DGKB: variants seen among roughly 807,000 people sequenced by gnomAD.
The protein encoded by DGKB is diacylglycerol kinase beta.
DGKB carries 67 observed loss-of-function variants against 114.3 expected under a neutral mutation model. The ratio of observed to expected loss-of-function variants is 0.59; its 90% confidence interval spans 0.48 to 0.72. The LOEUF (loss-of-function observed/expected upper bound fraction) is 0.72. Ranked by LOEUF, DGKB falls within the 30% of genes least tolerant of loss-of-function variation. The pLI is 0.00. For synonymous variants in DGKB, 398 were observed against 323.1 expected (o/e 1.23, Z -2.49); for missense variants, 907 against 975.2 (o/e 0.93, Z 0.93).
chr7:14,914,802 G>T (rs560472636), intron 1 of DGKB, among the ~76,000 whole-genome samples: 238 of 151,418 alleles, frequency 1.6e-3, no homozygotes, highest in African/African-American at 5.5e-3. Flanking sequence ...ACAGAGAGAA[G>T]ACTGCTCTAA....
chr7:14,733,754 A>G (rs199694642), intron 5 of DGKB, among the ~76,000 whole-genome samples: 48 of 11,118 alleles, frequency 4.3e-3, no homozygotes, highest in Non-Finnish European at 0.018. Context: ...AATAAAGAAG[A>G]AAGAAAGAAA....
chr7:14,271,638 C>T (rs1415920292), intron 23 of DGKB, among the ~76,000 whole-genome samples: 1 of 152,140 alleles, frequency 6.6e-6, no homozygotes, highest in African/African-American at 2.4e-5. Context: ...AAAGCATTAC[C>T]ATTCTAAAAT....
At chr7:14,808,712 T>A (rs1459214625) in intron 2 of DGKB, among the ~76,000 whole-genome samples, 1 of 152,108 alleles carries the variant, frequency 6.6e-6, no homozygotes. Flanking sequence ...TGTTTGCTTT[T>A]AATTCATAGG....
chr7:14,709,900 G>C (rs1451690948), intron 6 of DGKB, among the ~76,000 whole-genome samples: 1 of 148,998 alleles, frequency 6.7e-6, no homozygotes. Flanking sequence ...GCACCAGCAT[G>C]GCACATGTAT....
At chr7:14,365,396 T>C (rs1182432929) in intron 21 of DGKB, among the ~76,000 whole-genome samples, 1 of 152,030 alleles carries the variant, frequency 6.6e-6, no homozygotes, top group Non-Finnish European at 1.5e-5. Context: ...CACTCATTGT[T>C]GGAGTGATAT....
chr7:14,277,311 C>T (rs920244547), intron 23 of DGKB, among the ~76,000 whole-genome samples: 3 of 151,956 alleles, frequency 2.0e-5, no homozygotes, highest in African/African-American at 7.2e-5. Flanking sequence ...GCTGGAATTA[C>T]AGGTGCATGC....
intron 25 of DGKB, among the ~76,000 whole-genome samples, chr7:14,159,899 T>C (rs1391418779): frequency 6.6e-6 from 1 of 152,142 alleles, no homozygotes; most frequent in African/African-American, 2.4e-5. Flanking sequence ...CTCAAACTCC[T>C]GATCTTGGGT....
At chr7:14,670,546 C>A (rs1012941046) in intron 13 of DGKB, among the ~76,000 whole-genome samples, 1 of 151,960 alleles carries the variant, frequency 6.6e-6, no homozygotes. Context: ...CTCAAGTGAT[C>A]CACCCACCTC....
chr7:14,538,285 CA>C (rs1272901097), intron 20 of DGKB, among the ~76,000 whole-genome samples: 2 of 151,570 alleles, frequency 1.3e-5, no homozygotes, highest in African/African-American at 4.9e-5. Context: ...ACAAAATAAA[CA>C]AAAAACAACA....
chr7:14,655,392 A>G (rs543599684), intron 13 of DGKB, among the ~76,000 whole-genome samples: 50 of 151,882 alleles, frequency 3.3e-4, no homozygotes, highest in African/African-American at 1.2e-3. Context: ...AATAAGAAAT[A>G]CTGGCTAGGA....
At chr7:14,950,471 C>CT (rs1171642983) in intron 1 of DGKB, among the ~76,000 whole-genome samples, 1 of 151,752 alleles carries the variant, frequency 6.6e-6, no homozygotes, top group African/African-American at 2.4e-5. Flanking sequence ...AATCCATAAA[C>CT]TTTTTTATTT....
intron 5 of DGKB, among the ~76,000 whole-genome samples, chr7:14,729,434 T>C (rs897742940): frequency 2.0e-5 from 3 of 152,204 alleles, no homozygotes; most frequent in African/African-American, 7.2e-5. Flanking sequence ...GATGTATCCC[T>C]AACAACTTGA....
chr7:14,238,632 G>A (rs149720283), intron 23 of DGKB, among the ~76,000 whole-genome samples: 1 of 151,916 alleles, frequency 6.6e-6, no homozygotes, highest in East Asian at 1.9e-4. Context: ...AATGGTACAG[G>A]ACAGAGGGTT....
At chr7:14,612,616 A>G (rs1805762722) in intron 16 of DGKB, among the ~76,000 whole-genome samples, 2 of 152,044 alleles carry the variant, frequency 1.3e-5, no homozygotes, top group Non-Finnish European at 2.9e-5. Flanking sequence ...TTATACTGTT[A>G]TCATGTTTGT....
At chr7:14,329,615 C>A (rs117682311) in intron 23 of DGKB, among the ~76,000 whole-genome samples, 1,922 of 151,894 alleles carry the variant, frequency 0.013, 25 homozygotes, top group Middle Eastern at 0.027. Context: ...TAAAATCCTC[C>A]CCAACTGATT....
At chr7:14,331,927 T>G (rs1048774827) in intron 23 of DGKB, among the ~76,000 whole-genome samples, 1 of 152,134 alleles carries the variant, frequency 6.6e-6, no homozygotes, top group Non-Finnish European at 1.5e-5. Context: ...CAACAGTGCA[T>G]AGAGAGATCA....
intron 20 of DGKB, among the ~76,000 whole-genome samples, chr7:14,507,080 C>T (rs1227966591): frequency 6.6e-6 from 1 of 152,112 alleles, no homozygotes; most frequent in East Asian, 1.9e-4. Context: ...AGCAGCCTGA[C>T]TGATAGACAA....
chr7:14,644,257 A>C (rs1812462417), intron 13 of DGKB, among the ~76,000 whole-genome samples: 1 of 152,242 alleles, frequency 6.6e-6, no homozygotes, highest in Non-Finnish European at 1.5e-5. Context: ...GAAAATTCAA[A>C]GAAGTGACAG....
chr7:14,673,934 T>A (rs1339631362), intron 12 of DGKB, among the ~76,000 whole-genome samples: 3 of 152,004 alleles, frequency 2.0e-5, no homozygotes, highest in Admixed American at 1.3e-4. Context: ...AGAGCCACAT[T>A]ATTTTTCCAT....
Sources: gnomAD v4.1 joint callset for allele counts (sites outside exome capture counted in the v4.1 genomes callset) on GRCh38, gnomAD v4.1.1 for gene constraint, MANE v1.5 for transcripts, NCBI Gene and HGNC (gene_info 2026-07-23, HGNC 2026-07-21) for gene names.